Variants in IPO11 observed in about 807,000 individuals in gnomAD.
The protein encoded by IPO11 is importin 11.
In IPO11, 66 loss-of-function variants were observed where a neutral mutation model predicts 143.2. The ratio of observed to expected loss-of-function variants is 0.46; its 90% CI spans 0.38 to 0.57. The LOEUF is 0.57. Among genes scored for constraint, IPO11 ranks in the 20% least tolerant of loss-of-function variants. IPO11 has a pLI of 0.00. For missense variants in IPO11, 1,026 were observed against 1,141.0 expected, an observed-to-expected ratio of 0.90 and a Z score of 1.45; for synonymous variants, 385 against 377.8, an observed-to-expected ratio of 1.02 and a Z score of -0.22.
At chr5:62,583,264 C>T (rs1007942834) in intron 27 of IPO11, among the ~76,000 whole-genome samples, 1 of 152,028 alleles carries the variant, frequency 6.6e-6, no homozygotes, top group Non-Finnish European at 1.5e-5. Context: ...TTAAACAGTG[C>T]AGAAATACAT....
chr5:62,581,108 A>G, intron 27 of IPO11: 1 of 1,549,498 alleles, frequency 6.5e-7, no homozygotes, highest in Non-Finnish European at 8.7e-7. Context: ...CAAAAACTAA[A>G]GGCATCAGAA....
rs1745973224 is a variant in IPO11, at chr5:62,476,735, C to G, written c.810C>G (p.Ile270Met). The G allele has an allele frequency of 6.6e-7, 1 of 1,522,208 alleles. No homozygotes were observed. Among genetic ancestry groups the G allele is most frequent in the Non-Finnish European group, 8.8e-7 (1 of 1,132,232 alleles). 94.3% of individuals were successfully genotyped at this position (1,522,208 alleles called of 1,614,324 possible). ...GTAGAGATAGACTGGAAAAGACCAT[C>G]ATTCTTTTTACTAAAGTGGTAAGTT... ...NVCRDRLEKT[I>M]ILFTKVLLDF... The change falls in exon 9 of 30, where the codon ATC becomes ATG. Residue 270 changes from isoleucine (I) to methionine (M), a missense_variant. By Grantham distance (10) the Ile-to-Met change is conservative (BLOSUM62 1). Coordinates refer to ENST00000325324, the MANE Select transcript of IPO11 (RefSeq NM_016338.5).
At chr5:62,566,846 A>G (rs115406504) in intron 27 of IPO11, among the ~76,000 whole-genome samples, 1,775 of 152,054 alleles carry the variant, frequency 0.012, 36 homozygotes, top group African/African-American at 0.041. Context: ...AAAAGAATAT[A>G]TATATATGTG....
chr5:62,504,591 TA>T, intron 16 of IPO11, 75 bp from the exon 17 acceptor site: 1 of 823,604 alleles, frequency 1.2e-6, no homozygotes, highest in Non-Finnish European at 1.9e-6. Context: ...TGATTTGGAA[TA>T]AAATTTTTTG....
At chr5:62,419,314 C>T (rs1029696934) in intron 1 of IPO11, among the ~76,000 whole-genome samples, 1 of 152,138 alleles carries the variant, frequency 6.6e-6, no homozygotes. Flanking sequence ...CATTATTGTA[C>T]ACTTAGGCTA....
chr5:62,567,683 C>G (rs1184838220), intron 27 of IPO11, among the ~76,000 whole-genome samples: 1 of 151,038 alleles, frequency 6.6e-6, no homozygotes, highest in Non-Finnish European at 1.5e-5. Flanking sequence ...CTGCCTCAGC[C>G]TCCCGAGTAG....
intron 1 of IPO11, among the ~76,000 whole-genome samples, chr5:62,422,306 T>C (rs1359642513): frequency 6.6e-6 from 1 of 152,106 alleles, no homozygotes; most frequent in East Asian, 1.9e-4. Context: ...TTTGTGTTTT[T>C]AGTAGAAATG....
intron 2 of IPO11, among the ~76,000 whole-genome samples, chr5:62,441,906 C>T (rs1322218862): frequency 4.0e-5 from 6 of 150,502 alleles, no homozygotes; most frequent in South Asian, 2.1e-4. Flanking sequence ...AGCACAGTGG[C>T]GCGATCTCGG....
At chr5:62,550,216 T>C in intron 24 of IPO11, 151 bp from the exon 25 acceptor site, 1 of 543,408 alleles carries the variant, frequency 1.8e-6, no homozygotes. Flanking sequence ...TAAAAGTGTG[T>C]CTAGTGTCAG....
chr5:62,435,128 A>ATATGTATGTATATATG (rs1561308864), intron 1 of IPO11, among the ~76,000 whole-genome samples: 2 of 86,198 alleles, frequency 2.3e-5, no homozygotes, highest in Non-Finnish European at 4.5e-5. Flanking sequence ...GTATATATGT[A>ATATGTATGTATATATG]TATATATGTA....
intron 24 of IPO11, among the ~76,000 whole-genome samples, chr5:62,540,655 A>G (rs1742903440): frequency 6.6e-6 from 1 of 152,252 alleles, no homozygotes; most frequent in Non-Finnish European, 1.5e-5. Context: ...CTTCACAGCT[A>G]TGTGATGTGG....
chr5:62,543,876 G>C (rs1383186184), intron 24 of IPO11, among the ~76,000 whole-genome samples: 1 of 152,048 alleles, frequency 6.6e-6, no homozygotes, highest in African/African-American at 2.4e-5. Context: ...AGAGATTCTG[G>C]TATGTTGTGT....
At chr5:62,496,375 G>A (rs2112246691) in intron 16 of IPO11, among the ~76,000 whole-genome samples, 1 of 152,086 alleles carries the variant, frequency 6.6e-6, no homozygotes, top group African/African-American at 2.4e-5. Flanking sequence ...TATACTTTGA[G>A]GAAATGTTGC....
At chr5:62,522,056 A>G (rs1299439692) in intron 20 of IPO11, among the ~76,000 whole-genome samples, 16 of 152,096 alleles carry the variant, frequency 1.1e-4, no homozygotes, top group Non-Finnish European at 1.9e-4. Context: ...CATAGCAAAC[A>G]TTTTAATCAT....
At position 62,513,873 on chromosome 5, in the gene IPO11, G is replaced by T. The variant is rs541032129; in HGVS notation, c.1783-1515G>T. On this transcript the variant is annotated intron_variant, in intron 19 of 29. Coordinates refer to ENST00000325324, the MANE Select transcript of IPO11 (RefSeq NM_016338.5). ...AGGAGGAGGGTCTCCTCACTTCTCA[G>T]ACGGGGCGGCCGGGCAGAGACGCTC... Among the ~76,000 whole-genome samples, 271 of 150,670 alleles carry T rather than the reference G, an allele frequency of 1.8e-3. 2 individuals carry two copies. Among genetic ancestry groups the T allele is most frequent in the African/African-American group, 6.1e-3 (247 of 40,806 alleles).
At chr5:62,561,586 A>G (rs1743774362) in intron 27 of IPO11, among the ~76,000 whole-genome samples, 1 of 152,216 alleles carries the variant, frequency 6.6e-6, no homozygotes, top group African/African-American at 2.4e-5. Context: ...TATATTAAAT[A>G]TCTAACATTT....
At chr5:62,480,600 T>C (rs1402772247) in intron 9 of IPO11, among the ~76,000 whole-genome samples, 1 of 152,174 alleles carries the variant, frequency 6.6e-6, no homozygotes, top group Non-Finnish European at 1.5e-5. Flanking sequence ...TTTGTTTGTG[T>C]CCTCTTATTT....
intron 3 of IPO11, among the ~76,000 whole-genome samples, chr5:62,444,630 C>G (rs1020138311): frequency 5.3e-5 from 8 of 152,048 alleles, no homozygotes; most frequent in Admixed American, 5.2e-4. Context: ...AATCCCAGCA[C>G]TTTGGGAGGT....
chr5:62,435,001 G>A (rs1056270396), intron 1 of IPO11, among the ~76,000 whole-genome samples: 2 of 149,242 alleles, frequency 1.3e-5, no homozygotes, highest in Non-Finnish European at 3.0e-5. Flanking sequence ...CTGTAGCCTA[G>A]GCAACAGAGT....
Sources: gnomAD v4.1 joint callset for allele counts (sites outside exome capture counted in the v4.1 genomes callset) on GRCh38, gnomAD v4.1.1 for gene constraint, MANE v1.5 for transcripts, NCBI Gene and HGNC (gene_info 2026-07-23, HGNC 2026-07-21) for gene names.